TMEM176B: variants seen among roughly 807,000 people sequenced by gnomAD.
TMEM176B encodes transmembrane protein 176B.
A neutral mutation model predicts 30.3 loss-of-function variants in TMEM176B; 28 were observed. The observed-to-expected ratio is 0.92, with a 90% CI of 0.68 to 1.27. The LOEUF (loss-of-function observed/expected upper bound fraction) is 1.27. Ranked by LOEUF, TMEM176B falls within the 50% of genes most tolerant of loss-of-function variation. TMEM176B has a pLI of 0.00. For synonymous variants in TMEM176B, 123 were observed against 130.3 expected, an observed-to-expected ratio of 0.94 and a Z score of 0.38; for missense variants, 349 against 327.4, an observed-to-expected ratio of 1.07 and a Z score of -0.51.
At chr7:150,800,797 C>T (rs930540046), upstream of TMEM176B, 9 of 418,280 alleles carry the variant, frequency 2.2e-5, no homozygotes, top group African/African-American at 1.7e-4. Flanking sequence ...CCAGCCCTCC[C>T]GCCGCCCGCT....
At chr7:150,794,792 T>G (rs1001614821) in intron 2 of TMEM176B, among the ~76,000 whole-genome samples, 8 of 151,958 alleles carry the variant, frequency 5.3e-5, no homozygotes, top group Admixed American at 4.6e-4. Flanking sequence ...AATAAGCCGT[T>G]CACACACCCA....
chr7:150,795,079 G>A (rs578116175), intron 2 of TMEM176B, among the ~76,000 whole-genome samples: 1 of 152,252 alleles, frequency 6.6e-6, no homozygotes, highest in East Asian at 1.9e-4. Flanking sequence ...ATGCCATGGA[G>A]GTCTGTGAAG....
In TMEM176B at chr7:150,796,318, C is replaced by T. The variant is rs372540689; in HGVS notation, c.204+48G>A. 1.2e-5 allele frequency: 19 copies of T among 1,556,966 alleles called. No homozygotes were observed. In the African/African-American group the frequency reaches 2.5e-4, roughly 20 times the overall value. ...TTTGGCTCTATATTTTAATTGACCT[C>T]ATCACCTCGTTAACGTGCCCCCCAA... is the stretch of plus-strand genomic sequence containing the variant. On this transcript the variant is annotated intron_variant, in intron 2 of 6. Transcript: ENST00000326442.
chr7:150,791,815 G>A (rs111429624), intron 6 of TMEM176B, among the ~76,000 whole-genome samples, 192 bp from the exon 7 acceptor site: 270 of 152,052 alleles, frequency 1.8e-3, no homozygotes, highest in African/African-American at 6.1e-3. Flanking sequence ...GGGCAGAGGG[G>A]AGAGTGGGGA....
chr7:150,798,110 T>C (rs1263607935), intron 1 of TMEM176B, among the ~76,000 whole-genome samples: 1 of 152,208 alleles, frequency 6.6e-6, no homozygotes, highest in Non-Finnish European at 1.5e-5. Flanking sequence ...TTTGTGCAAT[T>C]ACAGCTACAA....
At chr7:150,800,006 C>G (rs1217863243) in intron 1 of TMEM176B, 1 of 152,346 alleles carries the variant, frequency 6.6e-6, no homozygotes, top group African/African-American at 2.4e-5. Flanking sequence ...TGGCCCCGTC[C>G]CAGGAGCCAC....
At chr7:150,796,617 G>T in intron 1 of TMEM176B, 43 bp from the exon 2 acceptor site, 1 of 1,595,420 alleles carries the variant, frequency 6.3e-7, no homozygotes, top group Non-Finnish European at 8.6e-7. Context: ...TGGGAACTAG[G>T]CGAGGGAAAA....
chr7:150,799,672 T>C (rs917693087), intron 1 of TMEM176B, among the ~76,000 whole-genome samples: 3 of 152,238 alleles, frequency 2.0e-5, no homozygotes, highest in African/African-American at 7.2e-5. Context: ...ACAAAGGAGC[T>C]TCAGACTGCT....
intron 6 of TMEM176B, 129 bp from the exon 7 acceptor site, chr7:150,791,752 C>CAAAA: frequency 1.3e-6 from 1 of 746,246 alleles, no homozygotes; most frequent in Non-Finnish European, 2.0e-6. Flanking sequence ...GCAGATCAGG[C>CAAAA]AAAAAAAAAA....
intron 2 of TMEM176B, 29 bp downstream of exon 2, chr7:150,796,337 C>T (rs1798521056): frequency 1.9e-6 from 3 of 1,602,604 alleles, no homozygotes; most frequent in Non-Finnish European, 2.6e-6. Context: ...GTTAACGTGC[C>T]CCCCAACCCC....
At position 150,791,482 on chromosome 7, in the gene TMEM176B, GGCTGCC is replaced by G. The variant is rs1563026942; in HGVS notation, c.*43_*48del. ...TGAGGAGCCAGGAGTGGGGGCCCTG[GGCTGCC>G]CTAGACAGGGACATGCGGGCACCCC... On this transcript the variant is annotated 3_prime_UTR_variant, in exon 7 of 7. Transcript: ENST00000326442. 8 of 1,539,006 alleles carry G rather than the reference GGCTGCC, an allele frequency of 5.2e-6. No individual in the cohort carries two copies. Among genetic ancestry groups the G allele is most frequent in the Non-Finnish European group, 7.1e-6 (8 of 1,121,348 alleles).
chr7:150,794,558 C>G (rs962265449), intron 2 of TMEM176B, among the ~76,000 whole-genome samples: 3 of 151,918 alleles, frequency 2.0e-5, no homozygotes, highest in Non-Finnish European at 4.4e-5. Context: ...TTCAGGGTCA[C>G]CCTAATTTTT....
Position 150,798,361 on chromosome 7 carries a change from C to G in TMEM176B, c.-5-1787G>C, listed in dbSNP as rs1472634958. On this transcript the variant is annotated intron_variant, in intron 1 of 6. Coordinates refer to ENST00000326442, the MANE Select transcript of TMEM176B (RefSeq NM_001101312.2). ...GGGTGGCGCGATCTCGGCTCACTGC[C>G]AGCTCCACCTCCCGGGTTCACGCCA... Among the ~76,000 whole-genome samples the G allele has an allele frequency of 2.0e-5, 3 of 152,076 alleles. No individual in the cohort carries two copies. The East Asian group carries it at 5.8e-4, about 29-fold the overall frequency.
chr7:150,801,313 G>T, upstream of TMEM176B: 1 of 486,682 alleles, frequency 2.1e-6, no homozygotes, highest in Non-Finnish European at 3.6e-6. Flanking sequence ...GGGCGAAAGG[G>T]GAGGTTCCCG....
chr7:150,796,281 T>C (rs1798518158), intron 2 of TMEM176B, 85 bp downstream of exon 2: 7 of 1,374,554 alleles, frequency 5.1e-6, no homozygotes, highest in Non-Finnish European at 7.1e-6. Flanking sequence ...TAAAACGTTT[T>C]AATTTTGAAG....
intron 4 of TMEM176B, 70 bp from the exon 5 acceptor site, chr7:150,793,385 A>T: frequency 6.5e-7 from 1 of 1,531,360 alleles, no homozygotes; most frequent in Non-Finnish European, 8.9e-7. Context: ...CCCCGCCTCA[A>T]ATCCCTCTCC....
chr7:150,799,495 C>T (rs2116716687), intron 1 of TMEM176B, among the ~76,000 whole-genome samples: 1 of 152,380 alleles, frequency 6.6e-6, no homozygotes, highest in South Asian at 2.1e-4. Flanking sequence ...ATAGGCAATT[C>T]TAATGGACAT....
chr7:150,801,336 T>A, upstream of TMEM176B: 2 of 487,360 alleles, frequency 4.1e-6, no homozygotes. Flanking sequence ...GGCTCTGTAG[T>A]CGCCGCAGTT....
intron 4 of TMEM176B, 73 bp from the exon 5 acceptor site, chr7:150,793,388 C>G: frequency 6.6e-7 from 1 of 1,519,436 alleles, no homozygotes; most frequent in Non-Finnish European, 9.0e-7. Flanking sequence ...CGCCTCAAAT[C>G]CCTCTCCTCT....
Sources: allele counts gnomAD v4.1 joint callset (sites outside exome capture counted in the v4.1 genomes callset), GRCh38; gene constraint gnomAD v4.1.1; transcripts MANE v1.5; gene names NCBI Gene and HGNC (gene_info 2026-07-23, HGNC 2026-07-21).